PCMTD2: variants seen among roughly 807,000 people sequenced by gnomAD.
The protein encoded by PCMTD2 is protein-L-isoaspartate (D-aspartate) O-methyltransferase domain containing 2, also known as protein-L-isoaspartate O-methyltransferase domain-containing protein 2.
Under a neutral mutation model 33.4 loss-of-function variants are expected in PCMTD2, and 16 were observed. That is an observed-to-expected ratio of 0.48 (90% CI 0.32 to 0.73). The LOEUF is 0.73. PCMTD2 is among the 30% of genes least tolerant of loss of function. PCMTD2 has a pLI of 0.03. For missense variants in PCMTD2, 374 were observed against 449.9 expected, an observed-to-expected ratio of 0.83 and a Z score of 1.53; for synonymous variants, 161 against 160.8, an observed-to-expected ratio of 1.00 and a Z score of -0.01.
rs374184696 is a variant in PCMTD2 at position 64,273,921 on chromosome 20, CTGTT to C, written c.*324_*327del. 2.0e-4 allele frequency: 45 copies of C among 228,598 alleles called. No individual in the cohort carries two copies. In the South Asian group the frequency reaches 2.2e-3, roughly 11 times the overall value. 14.2% of individuals were successfully genotyped at this position (228,598 alleles called of 1,614,324 possible). On this transcript the variant is annotated 3_prime_UTR_variant, in exon 6 of 6. Coordinates refer to ENST00000308824, the MANE Select transcript of PCMTD2 (RefSeq NM_018257.3). ...AACACTGAAGTCTGCGTAAGAGAGA[CTGTT>C]TGATGACCGTCCCTCATGCAACATG...
At chr20:64,266,639 T>C (rs1420236327) in intron 4 of PCMTD2, among the ~76,000 whole-genome samples, 2 of 152,224 alleles carry the variant, frequency 1.3e-5, no homozygotes, top group African/African-American at 4.8e-5. Context: ...TTGCCTCACC[T>C]CAGCCTCCAG....
Position 64,267,876 on chromosome 20 carries a change from C to T in PCMTD2, c.583-11C>T. 1 of 1,611,026 alleles carries T rather than the reference C, an allele frequency of 6.2e-7. No homozygotes were observed. The highest frequency in any genetic ancestry group is 1.1e-5 in the South Asian group (1 of 90,844). On this transcript the variant is annotated splice_polypyrimidine_tract_variant and intron_variant, in intron 4 of 5. Coordinates refer to ENST00000308824, the MANE Select transcript of PCMTD2 (RefSeq NM_018257.3). ...ATTCTTTTGAATATTCTCATTTTGT[C>T]TCTGGGATAGTTGACTAAGATAACA...
chr20:64,269,206 T>A (rs1318010347), intron 5 of PCMTD2, among the ~76,000 whole-genome samples: 3 of 152,146 alleles, frequency 2.0e-5, no homozygotes, highest in Non-Finnish European at 4.4e-5. Context: ...GGAGGGTGAA[T>A]CTGTCAAATG....
intron 5 of PCMTD2, among the ~76,000 whole-genome samples, chr20:64,269,861 GGT>G (rs1491409757): frequency 1.9e-3 from 188 of 96,764 alleles, no homozygotes; most frequent in Non-Finnish European, 2.7e-3. Flanking sequence ...GCGTGTGGGG[GGT>G]GTGGGCGTGC....
chr20:64,259,367 A>G (rs565477096), intron 1 of PCMTD2, among the ~76,000 whole-genome samples: 12 of 149,936 alleles, frequency 8.0e-5, no homozygotes, highest in African/African-American at 2.2e-4. Flanking sequence ...GACACCACCT[A>G]AAGTTTTTTT....
At position 64,261,179 on chromosome 20, in the gene PCMTD2, A is replaced by G. The variant is rs144484849; in HGVS notation, c.307+907A>G. Among the ~76,000 whole-genome samples the G allele has an allele frequency of 5.9e-5, 9 of 152,306 alleles. No homozygotes were observed. The South Asian group carries it at 1.7e-3, about 28-fold the overall frequency. On this transcript the variant is annotated intron_variant, in intron 2 of 5. Transcript: ENST00000308824. Reference sequence around the variant, plus strand: ...TAAGGAAAAACATCACTTGGTGCCAAATGCTGTGAGGGGCGGGGAAGGCAT... The same window carrying G: ...TAAGGAAAAACATCACTTGGTGCCAGATGCTGTGAGGGGCGGGGAAGGCAT...
intron 2 of PCMTD2, among the ~76,000 whole-genome samples, chr20:64,263,643 G>A (rs900285720): frequency 4.6e-5 from 7 of 152,142 alleles, no homozygotes; most frequent in African/African-American, 7.2e-5. Flanking sequence ...TGCATCCACC[G>A]CCATATAAAC....
At chr20:64,263,708 C>T (rs1985529351) in intron 2 of PCMTD2, among the ~76,000 whole-genome samples, 1 of 152,130 alleles carries the variant, frequency 6.6e-6, no homozygotes, top group Admixed American at 6.5e-5. Flanking sequence ...CTCCCATGCC[C>T]CCTCCTCCTC....
chr20:64,273,322 GGACTAAA>G lies in PCMTD2; in HGVS notation c.811_817del (p.Leu271ThrfsTer63). ...GGAAACTGTGAGCAAAAACGGAAAC[GGACTAAA>G]GAACACCCCCAGGTTTAAACGAAGG... On this transcript the variant is annotated frameshift_variant, in exon 6 of 6. Transcript: ENST00000308824. LOFTEE classifies it high-confidence loss of function. The G allele has an allele frequency of 1.9e-6, 3 of 1,614,066 alleles. No homozygotes were observed. The highest frequency in any genetic ancestry group is 2.5e-6 in the Non-Finnish European group (3 of 1,179,956).
chr20:64,272,483 C>A (rs1233473980), intron 5 of PCMTD2, among the ~76,000 whole-genome samples: 1 of 152,144 alleles, frequency 6.6e-6, no homozygotes, highest in Non-Finnish European at 1.5e-5. Flanking sequence ...AAAAATGGAG[C>A]AAATGTTCAT....
Position 64,265,253 on chromosome 20 carries a change from T to G in PCMTD2, c.411-5T>G, listed in dbSNP as rs1317543949. ...TTAGTTGCAGGAAGCATTTTTTACT[T>G]CCAGGTTTGACTTCTGTGAACCTTC... On this transcript the variant is annotated splice_region_variant and splice_polypyrimidine_tract_variant and intron_variant, in intron 3 of 5. Transcript: ENST00000308824. The G allele has an allele frequency of 6.3e-7, 1 of 1,589,838 alleles. No individual in the cohort carries two copies. The highest frequency in any genetic ancestry group is 1.4e-5 in the African/African-American group (1 of 73,926).
intron 5 of PCMTD2, among the ~76,000 whole-genome samples, chr20:64,269,802 G>T (rs1985812729): frequency 6.6e-6 from 1 of 151,242 alleles, no homozygotes. Context: ...TGTGCGCGGT[G>T]TGGGGTCATG....
Position 64,265,394 on chromosome 20 carries a change from G to C in PCMTD2, c.547G>C (p.Val183Leu). The change falls in exon 4 of 6, where the codon GTG becomes CTG. Residue 183 changes from valine to leucine, a missense_variant. Transcript: ENST00000308824. ...HEEYMKNLLK[V>L]GGILVMPLEE... ...AGAGTACATGAAGAATCTTCTCAAA[G>C]TGGGAGGGATCCTTGTCATGCCACT... 2 of 1,613,374 alleles carry C rather than the reference G, an allele frequency of 1.2e-6. No homozygotes were observed. Among genetic ancestry groups the C allele is most frequent in the Non-Finnish European group, 1.7e-6 (2 of 1,179,644 alleles).
At chr20:64,265,728 T>G in intron 4 of PCMTD2, 1 of 294,064 alleles carries the variant, frequency 3.4e-6, no homozygotes, top group Non-Finnish European at 6.3e-6. Context: ...CCCCTTCTCC[T>G]TCCCCCCAGC....
intron 5 of PCMTD2, among the ~76,000 whole-genome samples, chr20:64,268,725 CAAA>C (rs71197474): frequency 1.6e-4 from 22 of 136,878 alleles, no homozygotes; most frequent in African/African-American, 4.5e-4. Context: ...CATAGTCTTA[CAAA>C]AAAAAAAAAA....
intron 1 of PCMTD2, among the ~76,000 whole-genome samples, chr20:64,258,165 T>C (rs1388540927): frequency 2.6e-5 from 4 of 152,220 alleles, no homozygotes; most frequent in Non-Finnish European, 5.9e-5. Flanking sequence ...ATTTTCCAGC[T>C]CTTTTCCTAA....
chr20:64,264,640 G>T, intron 3 of PCMTD2, 109 bp downstream of exon 3: 1 of 660,370 alleles, frequency 1.5e-6, no homozygotes, highest in Non-Finnish European at 2.7e-6. Context: ...AAACTGTGGT[G>T]GGATGATTCT....
chr20:64,261,455 A>G (rs540876992), intron 2 of PCMTD2, among the ~76,000 whole-genome samples: 1 of 152,334 alleles, frequency 6.6e-6, no homozygotes, highest in Non-Finnish European at 1.5e-5. Flanking sequence ...CATGCCTGTA[A>G]TCCCAGCCCT....
chr20:64,273,620 G>A lies in PCMTD2; in HGVS notation c.*20G>A. Reference sequence around the variant, plus strand: ...AAATAAGTCTCCTGTTTGAAAGGGGGAAATAGGAAGAGCAGATTGCTGAGT... The same window carrying A: ...AAATAAGTCTCCTGTTTGAAAGGGGAAAATAGGAAGAGCAGATTGCTGAGT... On this transcript the variant is annotated 3_prime_UTR_variant, in exon 6 of 6. Coordinates refer to ENST00000308824, the MANE Select transcript of PCMTD2 (RefSeq NM_018257.3). 1.4e-5 allele frequency: 21 copies of A among 1,512,606 alleles called. No individual in the cohort carries two copies. The highest frequency in any genetic ancestry group is 1.9e-5 in the Non-Finnish European group (21 of 1,133,760). The allele number at this position is 1,512,606 out of a possible 1,614,324, so 93.7% of individuals were successfully genotyped here.
Sources: gnomAD v4.1 joint callset for allele counts (sites outside exome capture counted in the v4.1 genomes callset) on GRCh38, gnomAD v4.1.1 for gene constraint, MANE v1.5 for transcripts, NCBI Gene and HGNC (gene_info 2026-07-23, HGNC 2026-07-21) for gene names.